Variants in CEP131 observed in about 807,000 individuals in gnomAD.
CEP131 encodes the protein centrosomal protein of 131 kDa.
CEP131 carries 99 observed loss-of-function variants against 136.8 expected under a neutral mutation model. The observed-to-expected ratio is 0.72, with a 90% CI of 0.62 to 0.86. CEP131 has a LOEUF of 0.86. CEP131 is among the 40% of genes least tolerant of loss of function. CEP131 has a pLI of 0.00. For synonymous variants in CEP131, 646 were observed against 612.7 expected (o/e 1.05, Z -0.80); for missense variants, 1,459 against 1,463.0 (o/e 1.00, Z 0.04).
intron 5 of CEP131, among the ~76,000 whole-genome samples, chr17:81,205,659 G>A (rs2061994297): frequency 6.6e-6 from 1 of 152,046 alleles, no homozygotes; most frequent in African/African-American, 2.4e-5. Flanking sequence ...GGCTTTTGGG[G>A]AGGTCAAGGA....
At chr17:81,196,207 A>G (rs1382355845) in intron 15 of CEP131, among the ~76,000 whole-genome samples, 2 of 152,192 alleles carry the variant, frequency 1.3e-5, no homozygotes, top group Non-Finnish European at 2.9e-5. Context: ...CACCCCCTGC[A>G]GTGATGTCAG....
Position 81,208,871 on chromosome 17 carries a change from T to A in CEP131, c.272+57A>T. 7.3e-7 allele frequency: 1 copy of A among 1,371,418 alleles called. No individual in the cohort carries two copies. Among genetic ancestry groups the A allele is most frequent in the African/African-American group, 1.4e-5 (1 of 70,308 alleles). The allele number at this position is 1,371,418 out of a possible 1,614,324, so 85.0% of individuals were successfully genotyped here. ...AGAGGCAGGGAGGAGCAGGCCAGGGTGGGGCACCTGAGGTCCCGGGAAGGG... is the reference window on the plus strand; with the variant it reads ...AGAGGCAGGGAGGAGCAGGCCAGGGAGGGGCACCTGAGGTCCCGGGAAGGG... On this transcript the variant is annotated intron_variant, in intron 3 of 25. Coordinates refer to ENST00000450824, the MANE Select transcript of CEP131 (RefSeq NM_014984.4). The surrounding 1 kb of genome is among the most constrained non-coding windows in gnomAD (Gnocchi z 5.6).
chr17:81,208,931 G>A lies in CEP131; in HGVS notation c.269C>T (p.Pro90Leu). 6.2e-7 allele frequency: 1 copy of A among 1,613,364 alleles called. No individual in the cohort carries two copies. Among genetic ancestry groups the A allele is most frequent in the South Asian group, 1.1e-5 (1 of 91,030 alleles). ...TQVSQPRSGS[P>L]RPTEPTDFLM... Reference sequence around the variant, plus strand: ...ATCCAAGGGCCTTAGGGGTTACCTGGGGGAGCCGCTCCGAGGCTGGCTGAC... The same window carrying A: ...ATCCAAGGGCCTTAGGGGTTACCTGAGGGAGCCGCTCCGAGGCTGGCTGAC... Residue 90 changes from proline to leucine, a missense_variant, in exon 3 of 26, where the codon CCC becomes CTC. Transcript: ENST00000450824. The surrounding 1 kb of genome is among the most constrained non-coding windows in gnomAD (Gnocchi z 5.6).
At chr17:81,207,851 G>A (rs1320135293) in intron 3 of CEP131, among the ~76,000 whole-genome samples, 3 of 6,318 alleles carry the variant, frequency 4.7e-4, no homozygotes, top group African/African-American at 1.2e-3. Context: ...GATCAAAACC[G>A]TGGCCTGGCT....
chr17:81,194,721 G>A (rs975828189), intron 17 of CEP131, 149 bp downstream of exon 17: 19 of 747,306 alleles, frequency 2.5e-5, no homozygotes, highest in Middle Eastern at 3.9e-4. Context: ...AGCGGAGGCC[G>A]TGACGGGGGT....
intron 7 of CEP131, among the ~76,000 whole-genome samples, chr17:81,201,937 T>C (rs1455377596): frequency 1.3e-5 from 2 of 151,892 alleles, no homozygotes; most frequent in Non-Finnish European, 2.9e-5. Flanking sequence ...CCGTCTCTAC[T>C]AAAAATACAA....
intron 2 of CEP131, 132 bp from the exon 3 acceptor site, chr17:81,209,154 G>A: frequency 3.0e-6 from 2 of 672,216 alleles, no homozygotes; most frequent in Middle Eastern, 2.6e-4. Flanking sequence ...GGCCCAAGTG[G>A]CCTCAAAGGC....
intron 18 of CEP131, 136 bp from the exon 19 acceptor site, chr17:81,192,979 C>T (rs770706316): frequency 5.6e-4 from 784 of 1,402,346 alleles, no homozygotes; most frequent in Middle Eastern, 1.6e-3. Flanking sequence ...CCCTCCCCCT[C>T]GGCAGTCAAG....
intron 11 of CEP131, among the ~76,000 whole-genome samples, chr17:81,198,645 C>A (rs907154800): frequency 1.5e-4 from 23 of 152,306 alleles, no homozygotes; most frequent in African/African-American, 5.5e-4. Flanking sequence ...AGGCCCCCCA[C>A]CCCAGGACAT....
chr17:81,205,194 G>GA (rs1196239486), intron 5 of CEP131, among the ~76,000 whole-genome samples: 1 of 150,146 alleles, frequency 6.7e-6, no homozygotes, highest in Non-Finnish European at 1.5e-5. Context: ...GGGAAGCGGA[G>GA]GTTGCGGTGA....
rs565745717 is a variant in CEP131 at position 81,192,585 on chromosome 17, G to A, written c.2438C>T (p.Ala813Val). Residue 813 changes from alanine (A) to valine (V), a missense_variant, in exon 20 of 26, where the codon GCG becomes GTG. Ala to Val is a moderately conservative substitution (Grantham distance 64). Coordinates refer to ENST00000450824, the MANE Select transcript of CEP131 (RefSeq NM_014984.4). Reference sequence around the variant, plus strand: ...CTGCTGCCTCAGCTCTTCCAGCTCCGCCCGCTGCCTGCGGCCAGGGAGGAG... The same window carrying A: ...CTGCTGCCTCAGCTCTTCCAGCTCCACCCGCTGCCTGCGGCCAGGGAGGAG... ...RLGQQAARQR[A>V]ELEELRQQLE... 7.9e-5 allele frequency: 127 copies of A among 1,604,712 alleles called. 1 individual carries two copies. Among genetic ancestry groups the A allele is most frequent in the South Asian group, 6.2e-4 (56 of 90,618 alleles).
chr17:81,192,685 G>GGGGGGGGGGGGGGGCCC, intron 19 of CEP131, 51 bp downstream of exon 19: 13 of 478,350 alleles, frequency 2.7e-5, no homozygotes, highest in Non-Finnish European at 5.3e-5. Context: ...GGGGGGAGGG[G>GGGGGGGGGGGGGGGCCC]TCAGCCAGCG....
intron 6 of CEP131, among the ~76,000 whole-genome samples, chr17:81,202,737 G>A (rs907912561): frequency 1.3e-5 from 2 of 152,170 alleles, no homozygotes; most frequent in East Asian, 3.9e-4. Context: ...CAAAGCGGGC[G>A]GATCACCTGA....
At chr17:81,207,938 TAC>T (rs1267355028) in intron 3 of CEP131, among the ~76,000 whole-genome samples, 1 of 9,746 alleles carries the variant, frequency 1.0e-4, no homozygotes, top group Non-Finnish European at 2.5e-4. Flanking sequence ...CCACACACCA[TAC>T]ACCACACACA....
In CEP131 at chr17:81,192,851, A is replaced by G. The variant is rs1323638763; in HGVS notation, c.2322-8T>C. 1.3e-6 allele frequency: 2 copies of G among 1,595,820 alleles called. No homozygotes were observed. The highest frequency in any genetic ancestry group is 3.3e-5 in the Admixed American group (2 of 59,810). ...TCCAGGTGCTGCTGGAACCTGCGGG[A>G]CGGTCAGGACTGGCTCTCGGGGGCC... On this transcript the variant is annotated splice_polypyrimidine_tract_variant and splice_region_variant and intron_variant, in intron 18 of 25. Coordinates refer to ENST00000450824, the MANE Select transcript of CEP131 (RefSeq NM_014984.4).
chr17:81,198,407 C>G, intron 11 of CEP131, 110 bp from the exon 12 acceptor site: 1 of 1,154,250 alleles, frequency 8.7e-7, no homozygotes, highest in Non-Finnish European at 1.2e-6. Flanking sequence ...GCTCCCCAGT[C>G]CCGACATTCA....
At chr17:81,201,968 G>A (rs914896690) in intron 7 of CEP131, among the ~76,000 whole-genome samples, 3 of 152,106 alleles carry the variant, frequency 2.0e-5, no homozygotes, top group Non-Finnish European at 2.9e-5. Flanking sequence ...AGGCGTGGTG[G>A]CGGGCACCTG....
chr17:81,189,749 A>C lies in CEP131; in HGVS notation c.*20T>G, dbSNP rs762386567. The C allele has an allele frequency of 1.3e-6, 2 of 1,579,450 alleles. No homozygotes were observed. The highest frequency in any genetic ancestry group is 1.7e-6 in the Non-Finnish European group (2 of 1,159,378). The stretch of plus-strand genomic sequence containing the variant: ...TGTCCTCTGCCTTCCGTTCTTCGAC[A>C]GTGTTCCCGGCATCCCTGGTCACTT... On this transcript the variant is annotated 3_prime_UTR_variant, in exon 26 of 26. Coordinates refer to ENST00000450824, the MANE Select transcript of CEP131 (RefSeq NM_014984.4).
chr17:81,222,189 G>A (rs1319514099), intron 1 of CEP131, among the ~76,000 whole-genome samples: 3 of 152,262 alleles, frequency 2.0e-5, no homozygotes, highest in Admixed American at 2.0e-4. Flanking sequence ...CAAGCCAGAA[G>A]AAGGGAGGCC....
Sources: gnomAD v4.1 joint callset for allele counts (sites outside exome capture counted in the v4.1 genomes callset) on GRCh38, gnomAD v4.1.1 for gene constraint, Gnocchi (gnomAD v3.1) non-coding constraint, MANE v1.5 for transcripts, NCBI Gene and HGNC (gene_info 2026-07-23, HGNC 2026-07-21) for gene names.